Variants in SPECC1L observed in about 807,000 individuals in gnomAD.
SPECC1L encodes the protein cytospin-A.
In SPECC1L, 40 loss-of-function variants were observed where a neutral mutation model predicts 116.8. The observed-to-expected ratio is 0.34, with a 90% CI of 0.27 to 0.45. The LOEUF (loss-of-function observed/expected upper bound fraction) is 0.45, where lower values mean the gene tolerates loss of function less well. Among genes scored for constraint, SPECC1L ranks in the 20% least tolerant of loss-of-function variants. The pLI, the probability that SPECC1L is intolerant of heterozygous loss-of-function variation, is 1.00. For synonymous variants in SPECC1L, 504 were observed against 500.6 expected (o/e 1.01, Z -0.09); for missense variants, 1,110 against 1,373.6 (o/e 0.81, Z 3.03).
At chr22:24,359,765 C>G (rs1253464171) in intron 11 of SPECC1L, among the ~76,000 whole-genome samples, 1 of 152,208 alleles carries the variant, frequency 6.6e-6, no homozygotes, top group Non-Finnish European at 1.5e-5. Flanking sequence ...TGGGAACACT[C>G]TTTTTCTTCT....
rs945851529 is a variant in SPECC1L at position 24,415,704 on chromosome 22, C to T, written c.*1081C>T. ...GAGGGCAGCCACTGCCCTCCGTGGC[C>T]AAGGCAGGACCTCCAAGACTCAGTG... On this transcript the variant is annotated 3_prime_UTR_variant, in exon 17 of 17. Coordinates refer to ENST00000314328, the MANE Select transcript of SPECC1L (RefSeq NM_015330.6). 6.6e-6 allele frequency: 1 copy of T among 152,362 alleles called. No individual in the cohort carries two copies. Among genetic ancestry groups the T allele is most frequent in the Non-Finnish European group, 1.5e-5 (1 of 68,022 alleles). 9.4% of individuals were successfully genotyped at this position (152,362 alleles called of 1,614,324 possible).
rs537244857 is a variant in SPECC1L, at chr22:24,383,354, A to G, written c.3087+14034A>G. ...CACTTTGGGAAACCAAGGTGGGAGGATTACTGGAGGCCAAGAGTTCAAGAC... is the reference window on the plus strand; with the variant it reads ...CACTTTGGGAAACCAAGGTGGGAGGGTTACTGGAGGCCAAGAGTTCAAGAC... On this transcript the variant is annotated intron_variant, in intron 14 of 16. Coordinates refer to ENST00000314328, the MANE Select transcript of SPECC1L (RefSeq NM_015330.6). 2.6e-5 allele frequency among the ~76,000 whole-genome samples: 4 copies of G among 152,278 alleles called. No homozygotes were observed. In the South Asian group the frequency reaches 8.3e-4, roughly 32 times the overall value.
rs1343429555 is a variant in SPECC1L at position 24,322,780 on chromosome 22, A to C, written c.1800A>C (p.Gly600=). ...VAELYSIHNS[G]DKSDIQDLLE... ...AGCTGTATTCTATCCATAACTCTGG[A>C]GACAAATCTGATATTCAGGACCTCC... The change falls in exon 5 of 17, where the codon GGA becomes GGC. Residue 600 remains glycine (G), a synonymous_variant. Coordinates refer to ENST00000314328, the MANE Select transcript of SPECC1L (RefSeq NM_015330.6). 6.3e-7 allele frequency: 1 copy of C among 1,585,872 alleles called. No homozygotes were observed. Among genetic ancestry groups the C allele is most frequent in the South Asian group, 1.2e-5 (1 of 85,418 alleles).
chr22:24,288,644 T>TTTTTTTTTG (rs2049097699), intron 2 of SPECC1L, among the ~76,000 whole-genome samples: 2 of 125,308 alleles, frequency 1.6e-5, no homozygotes, highest in African/African-American at 6.5e-5. Context: ...TTTTTTTTTT[T>TTTTTTTTTG]GGACATATCC....
At chr22:24,410,122 A>G (rs983573092) in intron 14 of SPECC1L, among the ~76,000 whole-genome samples, 1 of 152,192 alleles carries the variant, frequency 6.6e-6, no homozygotes, top group African/African-American at 2.4e-5. Flanking sequence ...TCAGATGATG[A>G]CACCTTCAAG....
chr22:24,326,116 G>A (rs570130434), intron 6 of SPECC1L, among the ~76,000 whole-genome samples: 1 of 152,164 alleles, frequency 6.6e-6, no homozygotes, highest in East Asian at 1.9e-4. Context: ...ACCACACCCG[G>A]CTAATTTTTT....
At chr22:24,407,267 A>G (rs2042609982) in intron 14 of SPECC1L, among the ~76,000 whole-genome samples, 1 of 152,200 alleles carries the variant, frequency 6.6e-6, no homozygotes, top group Admixed American at 6.5e-5. Flanking sequence ...TGAAGAAGCC[A>G]TTGTTTTCTT....
chr22:24,331,380 G>C (rs1240107515), intron 8 of SPECC1L, among the ~76,000 whole-genome samples: 1 of 152,178 alleles, frequency 6.6e-6, no homozygotes, highest in African/African-American at 2.4e-5. Context: ...GCAGAACATG[G>C]AATGAGACAG....
chr22:24,408,329 G>A (rs1260929922), intron 14 of SPECC1L, among the ~76,000 whole-genome samples: 2 of 152,274 alleles, frequency 1.3e-5, no homozygotes, highest in Non-Finnish European at 2.9e-5. Context: ...CCTTTATGGA[G>A]TGGTAACTGT....
At chr22:24,334,823 A>T (rs1219663521) in intron 9 of SPECC1L, among the ~76,000 whole-genome samples, 1 of 152,178 alleles carries the variant, frequency 6.6e-6, no homozygotes, top group Admixed American at 6.5e-5. Context: ...CCCTCGGTGG[A>T]TCACACACAT....
intron 10 of SPECC1L, among the ~76,000 whole-genome samples, chr22:24,345,174 C>T (rs1251774414): frequency 6.6e-6 from 1 of 151,814 alleles, no homozygotes; most frequent in African/African-American, 2.4e-5. Flanking sequence ...GTAGGCCAGT[C>T]GATTTTCTAC....
chr22:24,318,174 G>A (rs965655434), intron 4 of SPECC1L, among the ~76,000 whole-genome samples: 1 of 152,164 alleles, frequency 6.6e-6, no homozygotes, highest in Non-Finnish European at 1.5e-5. Flanking sequence ...GCAGGCTGCT[G>A]GGAGGTGGAT....
chr22:24,400,970 T>C (rs2042462500), intron 14 of SPECC1L, among the ~76,000 whole-genome samples: 1 of 152,350 alleles, frequency 6.6e-6, no homozygotes, highest in Non-Finnish European at 1.5e-5. Context: ...TTTTCAAATA[T>C]GCACTAAAGT....
At chr22:24,278,835 G>A (rs1220661603) in intron 2 of SPECC1L, among the ~76,000 whole-genome samples, 2 of 152,170 alleles carry the variant, frequency 1.3e-5, no homozygotes, top group African/African-American at 2.4e-5. Context: ...AAACACCATC[G>A]TAAAATGTAA....
chr22:24,283,773 T>TTAA (rs2048990845), intron 2 of SPECC1L, among the ~76,000 whole-genome samples: 1 of 152,246 alleles, frequency 6.6e-6, no homozygotes, highest in Non-Finnish European at 1.5e-5. Flanking sequence ...TTCAAGTTAT[T>TTAA]TATCACTGTT....
rs1569421899 is a variant in SPECC1L at position 24,325,581 on chromosome 22, A to ATTTATT, written c.2146+1154_2146+1155insTTTATT. ...TTTATTTATTTATTTATTTATTTATAAGAGGTGACAGTAATAAAAATGTAG... is the reference window on the plus strand; with the variant it reads ...TTTATTTATTTATTTATTTATTTATATTTATTAGAGGTGACAGTAATAAAAATGTAG... On this transcript the variant is annotated intron_variant, in intron 6 of 16. Coordinates refer to ENST00000314328, the MANE Select transcript of SPECC1L (RefSeq NM_015330.6). Among the ~76,000 whole-genome samples the ATTTATT allele has an allele frequency of 2.3e-3, 334 of 144,014 alleles. 2 individuals are homozygous for ATTTATT. The highest frequency in any genetic ancestry group is 7.8e-3 in the African/African-American group (296 of 38,154). 94.5% of individuals were successfully genotyped at this position (144,014 alleles called of 152,430 possible).
At chr22:24,326,740 A>G (rs185933578) in intron 6 of SPECC1L, among the ~76,000 whole-genome samples, 5 of 152,318 alleles carry the variant, frequency 3.3e-5, no homozygotes, top group Admixed American at 2.0e-4. Context: ...ATTAAAGAGT[A>G]AATTTTGAAC....
chr22:24,318,568 T>C (rs541285015), intron 4 of SPECC1L, among the ~76,000 whole-genome samples: 1 of 152,056 alleles, frequency 6.6e-6, no homozygotes, highest in African/African-American at 2.4e-5. Flanking sequence ...GGATTTTTGA[T>C]TTAGATAAGG....
At chr22:24,412,331 G>T in intron 15 of SPECC1L, 1 of 447,050 alleles carries the variant, frequency 2.2e-6, no homozygotes, top group Admixed American at 3.4e-5. Context: ...CTCATTTGAT[G>T]AGTGTTCCTA....
Sources: gnomAD v4.1 joint callset for allele counts (sites outside exome capture counted in the v4.1 genomes callset) on GRCh38, gnomAD v4.1.1 for gene constraint, MANE v1.5 for transcripts, NCBI Gene and HGNC (gene_info 2026-07-23, HGNC 2026-07-21) for gene names.